PALLD: variants seen among roughly 807,000 people sequenced by gnomAD.
PALLD encodes the protein palladin, cytoskeletal associated protein, also known as palladin.
In PALLD, 61 loss-of-function variants were observed where a neutral mutation model predicts 123.5. That is an observed-to-expected ratio of 0.49 (90% CI 0.40 to 0.61). The LOEUF (loss-of-function observed/expected upper bound fraction) is 0.61. Ranked by LOEUF, PALLD falls within the 20% of genes least tolerant of loss-of-function variation. The pLI, the probability that PALLD is intolerant of heterozygous loss-of-function variation, is 0.00. For synonymous variants in PALLD, 465 were observed against 496.4 expected (o/e 0.94, Z 0.84); for missense variants, 1,273 against 1,377.0 (o/e 0.92, Z 1.20).
intron 10 of PALLD, among the ~76,000 whole-genome samples, chr4:168,773,785 C>G (rs538237840): frequency 7.4e-4 from 112 of 152,282 alleles, no homozygotes; most frequent in Non-Finnish European, 1.8e-4. Flanking sequence ...CCTCCCCACC[C>G]ACCTCGCCGC....
intron 10 of PALLD, among the ~76,000 whole-genome samples, chr4:168,778,499 G>A (rs374916353): frequency 2.0e-4 from 30 of 152,110 alleles, no homozygotes; most frequent in African/African-American, 4.6e-4. Flanking sequence ...GTACTATGGC[G>A]CGTAACTGTG....
chr4:168,815,507 G>A (rs1363126228), intron 10 of PALLD, among the ~76,000 whole-genome samples: 2 of 152,214 alleles, frequency 1.3e-5, no homozygotes, highest in Non-Finnish European at 2.9e-5. Context: ...CCATAAAATA[G>A]GGAAATACAC....
At chr4:168,671,957 T>C (rs958295153) in intron 3 of PALLD, among the ~76,000 whole-genome samples, 4 of 152,202 alleles carry the variant, frequency 2.6e-5, no homozygotes, top group African/African-American at 9.6e-5. Flanking sequence ...GTCCCATGCG[T>C]CAAGTTTTAG....
intron 2 of PALLD, among the ~76,000 whole-genome samples, chr4:168,635,994 A>G (rs1488693038): frequency 6.6e-6 from 1 of 152,216 alleles, no homozygotes; most frequent in African/African-American, 2.4e-5. Flanking sequence ...TAGTAATGTA[A>G]CATTGATAAA....
intron 2 of PALLD, among the ~76,000 whole-genome samples, chr4:168,514,498 C>T (rs533170413): frequency 2.5e-4 from 38 of 152,210 alleles, no homozygotes; most frequent in Admixed American, 5.2e-4. Flanking sequence ...TTCATGTGTT[C>T]ATTTAATTAA....
At chr4:168,810,146 C>T (rs1006389870) in intron 10 of PALLD, among the ~76,000 whole-genome samples, 2 of 148,732 alleles carry the variant, frequency 1.3e-5, no homozygotes, top group Non-Finnish European at 3.0e-5. Flanking sequence ...GAAGCAAGAT[C>T]GTAAGAGGTT....
chr4:168,764,084 GA>G (rs1344540717), intron 10 of PALLD, among the ~76,000 whole-genome samples: 6 of 152,078 alleles, frequency 3.9e-5, no homozygotes, highest in African/African-American at 1.4e-4. Flanking sequence ...GGAAGAAAAA[GA>G]AACCACTTTA....
At chr4:168,742,104 G>A (rs1329156804) in intron 10 of PALLD, among the ~76,000 whole-genome samples, 1 of 152,170 alleles carries the variant, frequency 6.6e-6, no homozygotes, top group Non-Finnish European at 1.5e-5. Flanking sequence ...TATTCTGAGT[G>A]TTTCTGAGGA....
At chr4:168,903,976 A>G in intron 15 of PALLD, 70 bp downstream of exon 15, 1 of 1,385,678 alleles carries the variant, frequency 7.2e-7, no homozygotes, top group Non-Finnish European at 1.0e-6. Flanking sequence ...AGACAAAGGA[A>G]CTATTTAAAA....
chr4:168,606,784 T>C (rs1274858731), intron 2 of PALLD, among the ~76,000 whole-genome samples: 1 of 152,154 alleles, frequency 6.6e-6, no homozygotes, highest in Non-Finnish European at 1.5e-5. Flanking sequence ...AGTGTCCCCT[T>C]TGAATCCCTA....
chr4:168,926,490 G>T lies in PALLD; in HGVS notation c.*310G>T. The T allele has an allele frequency of 4.6e-6, 3 of 657,968 alleles. No individual in the cohort carries two copies. The highest frequency in any genetic ancestry group is 4.3e-6 in the Non-Finnish European group (2 of 462,426). The allele number at this position is 657,968 out of a possible 1,614,324, so 40.8% of individuals were successfully genotyped here. A position where few individuals can be genotyped will look rare whatever the true frequency, so the allele number is the denominator to read the frequency against. Reference sequence around the variant, plus strand: ...GGCAGAAACATACCTTTGACTATAAGAAATTAAAAAAAAAACACCAAAATA... The same window carrying T: ...GGCAGAAACATACCTTTGACTATAATAAATTAAAAAAAAAACACCAAAATA... On this transcript the variant is annotated 3_prime_UTR_variant, in exon 22 of 22. Coordinates refer to ENST00000505667, the MANE Select transcript of PALLD (RefSeq NM_001166108.2).
At chr4:168,547,567 A>C (rs1350373850) in intron 2 of PALLD, among the ~76,000 whole-genome samples, 6 of 25,070 alleles carry the variant, frequency 2.4e-4, no homozygotes, top group Non-Finnish European at 5.5e-4. Flanking sequence ...AATAAAATAC[A>C]AAAAAAAAAA....
intron 2 of PALLD, among the ~76,000 whole-genome samples, chr4:168,554,795 T>C (rs894085461): frequency 1.1e-4 from 17 of 152,248 alleles, no homozygotes; most frequent in African/African-American, 4.1e-4. Context: ...CCAAAATAAA[T>C]AATCAGCTTT....
intron 2 of PALLD, among the ~76,000 whole-genome samples, chr4:168,633,302 G>A (rs1776017656): frequency 6.6e-6 from 1 of 152,070 alleles, no homozygotes; most frequent in Non-Finnish European, 1.5e-5. Context: ...ATTTCCCCCC[G>A]CGGTTGTTAT....
rs527866843 is a variant in PALLD at position 168,528,457 on chromosome 4, GA to G, written c.908+16048del. Among the ~76,000 whole-genome samples, 98 of 152,348 alleles carry G rather than the reference GA, an allele frequency of 6.4e-4. 1 individual carries two copies. The highest frequency in any genetic ancestry group is 2.1e-3 in the African/African-American group (87 of 41,582). ...TCATTCGTTCACTCTCTGTCAATGA[GA>G]AATTAAATGACTAACACTAAATGGA... On this transcript the variant is annotated intron_variant, in intron 2 of 21. Transcript: ENST00000505667.
chr4:168,713,907 A>C (rs1357133602), intron 10 of PALLD, among the ~76,000 whole-genome samples: 1 of 147,704 alleles, frequency 6.8e-6, no homozygotes, highest in Admixed American at 6.7e-5. Context: ...CCAACAGCTT[A>C]GAAACAACAT....
chr4:168,571,494 A>G (rs1402289227), intron 2 of PALLD, among the ~76,000 whole-genome samples: 7 of 152,138 alleles, frequency 4.6e-5, no homozygotes, highest in Non-Finnish European at 8.8e-5. Context: ...CAACCATTCA[A>G]TTAGAAGTTT....
At chr4:168,693,778 C>T (rs149918296) in intron 8 of PALLD, among the ~76,000 whole-genome samples, 9 of 152,264 alleles carry the variant, frequency 5.9e-5, no homozygotes, top group African/African-American at 4.8e-5. Context: ...CATGACACGA[C>T]GAGACTTTCT....
chr4:168,905,832 C>T, intron 15 of PALLD, among the ~76,000 whole-genome samples: 1 of 117,220 alleles, frequency 8.5e-6, no homozygotes, highest in Non-Finnish European at 1.7e-5. Flanking sequence ...CGGAATCTTG[C>T]TCTGTTGCCC....
Sources: gnomAD v4.1 joint callset for allele counts (sites outside exome capture counted in the v4.1 genomes callset) on GRCh38, gnomAD v4.1.1 for gene constraint, MANE v1.5 for transcripts, NCBI Gene and HGNC (gene_info 2026-07-23, HGNC 2026-07-21) for gene names.